The following PLB1 variants were observed in gnomAD, a reference collection of about 807,000 sequenced individuals.
PLB1 encodes the protein phospholipase B1, also known as phospholipase B1, membrane-associated.
Under a neutral mutation model 227.4 loss-of-function variants are expected in PLB1, and 242 were observed. The ratio of observed to expected loss-of-function variants is 1.06; its 90% confidence interval spans 0.96 to 1.18. The LOEUF (loss-of-function observed/expected upper bound fraction) is 1.18. Among genes scored for constraint, PLB1 ranks in the 50% most tolerant of loss-of-function variants. PLB1 has a pLI of 0.00. For missense variants in PLB1, 1,858 were observed against 1,816.3 expected, an observed-to-expected ratio of 1.02 and a Z score of -0.42; for synonymous variants, 757 against 682.2, an observed-to-expected ratio of 1.11 and a Z score of -1.71.
At chr2:28,501,850 A>G (rs575138020) in intron 1 of PLB1, among the ~76,000 whole-genome samples, 1 of 152,288 alleles carries the variant, frequency 6.6e-6, no homozygotes, top group South Asian at 2.1e-4. Flanking sequence ...TACCATATAT[A>G]CCACCAGCCT....
At chr2:28,598,077 T>C (rs1359401732) in intron 34 of PLB1, 29 bp downstream of exon 34, 1 of 1,596,564 alleles carries the variant, frequency 6.3e-7, no homozygotes, top group East Asian at 2.2e-5. Flanking sequence ...CTTGAATCTG[T>C]CTACTGTTCC....
chr2:28,527,167 C>T (rs765075518), intron 6 of PLB1, among the ~76,000 whole-genome samples: 2 of 152,146 alleles, frequency 1.3e-5, no homozygotes, highest in Non-Finnish European at 2.9e-5. Context: ...TGCCTCTTTG[C>T]CTAATTTCTC....
chr2:28,516,318 C>T (rs1045137046), intron 1 of PLB1, among the ~76,000 whole-genome samples: 20 of 152,164 alleles, frequency 1.3e-4, no homozygotes, highest in Admixed American at 5.9e-4. Context: ...TCGATACAGC[C>T]CCTGTCCAGG....
At chr2:28,625,988 T>C (rs902344733) in intron 50 of PLB1, among the ~76,000 whole-genome samples, 2 of 150,886 alleles carry the variant, frequency 1.3e-5, no homozygotes, top group Non-Finnish European at 3.0e-5. Flanking sequence ...AGCCCCACTT[T>C]GTTGCTTTTC....
intron 4 of PLB1, among the ~76,000 whole-genome samples, chr2:28,524,593 T>G (rs1181630755): frequency 2.0e-5 from 3 of 152,238 alleles, no homozygotes; most frequent in African/African-American, 7.2e-5. Flanking sequence ...CATTCCTGCC[T>G]TCATGGCTCT....
Position 28,525,275 on chromosome 2 carries a change from C to G in PLB1, c.252C>G (p.Asp84Glu). The change falls in exon 5 of 58, where the codon GAC becomes GAG. Residue 84 changes from aspartate to glutamate, a missense_variant. Transcript: ENST00000327757. ...TTGAGTATCTATTCCAGCCTCCAGA[C>G]CCAGGGACGGGCGATCTGGAGAAGC... The part of the protein sequence containing the change: ...AAIGNLEIPP[D>E]PGTGDLEKQD... 1 of 1,613,574 alleles carries G rather than the reference C, an allele frequency of 6.2e-7. No homozygotes were observed.
chr2:28,635,928 G>A (rs1689243900), intron 56 of PLB1, among the ~76,000 whole-genome samples: 1 of 152,210 alleles, frequency 6.6e-6, no homozygotes, highest in Admixed American at 6.5e-5. Flanking sequence ...CAGACTTAGA[G>A]CTCTTAGAAT....
At chr2:28,530,482 TGTA>T (rs1670873639) in intron 8 of PLB1, among the ~76,000 whole-genome samples, 1 of 152,234 alleles carries the variant, frequency 6.6e-6, no homozygotes, top group South Asian at 2.1e-4. Flanking sequence ...TTTATATTAT[TGTA>T]GTGGCGATTG....
chr2:28,529,145 C>T (rs528954730), intron 6 of PLB1, among the ~76,000 whole-genome samples, 172 bp from the exon 7 acceptor site: 1 of 151,972 alleles, frequency 6.6e-6, no homozygotes, highest in African/African-American at 2.4e-5. Context: ...GGGTTTTGCT[C>T]TGTTGCCCTG....
chr2:28,566,968 C>T (rs1451673684), intron 20 of PLB1, 129 bp downstream of exon 20: 13 of 942,858 alleles, frequency 1.4e-5, no homozygotes, highest in Middle Eastern at 2.7e-4. Context: ...CACCAGGGGG[C>T]GCTGCCTCCC....
intron 15 of PLB1, 111 bp from the exon 16 acceptor site, chr2:28,549,899 G>A (rs898383752): frequency 2.2e-5 from 18 of 806,030 alleles, no homozygotes; most frequent in African/African-American, 8.6e-5. Context: ...CACTGGAAGC[G>A]TGATGTGAAT....
intron 10 of PLB1, among the ~76,000 whole-genome samples, chr2:28,538,879 G>A (rs1050226841): frequency 5.3e-5 from 8 of 152,126 alleles, no homozygotes; most frequent in Non-Finnish European, 7.4e-5. Context: ...CCCGCCCACC[G>A]TGAGGGACAG....
intron 43 of PLB1, among the ~76,000 whole-genome samples, chr2:28,613,688 C>G (rs1210594886): frequency 1.3e-5 from 2 of 152,086 alleles, no homozygotes; most frequent in Non-Finnish European, 2.9e-5. Context: ...TAAAAAAATG[C>G]TGAAACATGA....
Position 28,598,197 on chromosome 2 carries a change from C to T in PLB1, c.2365+149C>T, listed in dbSNP as rs113785858. The stretch of plus-strand genomic sequence containing the variant: ...GAGACAGGAGGCTATGAAAAAGCAG[C>T]CGAGGCAGGTAAAATAAACACCAGA... On this transcript the variant is annotated intron_variant, in intron 34 of 57. Coordinates refer to ENST00000327757, the MANE Select transcript of PLB1 (RefSeq NM_153021.5). 17 of 665,978 alleles carry T rather than the reference C, an allele frequency of 2.6e-5. No homozygotes were observed. The African/African-American group carries it at 2.8e-4, about 11-fold the overall frequency. The allele number at this position is 665,978 out of a possible 1,614,324, so 41.3% of individuals were successfully genotyped here. A position where few individuals can be genotyped will look rare whatever the true frequency, so the allele number is the denominator to read the frequency against.
chr2:28,514,634 T>G (rs1423571607), intron 1 of PLB1, among the ~76,000 whole-genome samples: 1 of 152,240 alleles, frequency 6.6e-6, no homozygotes, highest in Non-Finnish European at 1.5e-5. Flanking sequence ...GTAGTTTCAA[T>G]AGAGACCATA....
At chr2:28,606,294 G>A (rs1020058097) in intron 42 of PLB1, among the ~76,000 whole-genome samples, 27 of 152,164 alleles carry the variant, frequency 1.8e-4, no homozygotes, top group Admixed American at 6.5e-5. Context: ...GAAGCATGAC[G>A]AGTCTCCAAG....
chr2:28,537,563 C>T (rs997140311), intron 9 of PLB1, among the ~76,000 whole-genome samples: 46 of 147,970 alleles, frequency 3.1e-4, no homozygotes, highest in African/African-American at 1.1e-3. Flanking sequence ...TGGTGGCGGG[C>T]GCCTGTAATC....
chr2:28,631,960 A>G, intron 54 of PLB1, 76 bp from the exon 55 acceptor site: 2 of 1,282,924 alleles, frequency 1.6e-6, no homozygotes, highest in South Asian at 2.4e-5. Flanking sequence ...TCAACAACCA[A>G]TCCAAGGCAG....
intron 43 of PLB1, among the ~76,000 whole-genome samples, chr2:28,607,072 C>T (rs915695683): frequency 2.6e-5 from 4 of 152,182 alleles, no homozygotes; most frequent in South Asian, 2.1e-4. Context: ...GGAGGAGGGA[C>T]GAGGGTGGGC....
Sources: gnomAD v4.1 joint callset for allele counts (sites outside exome capture counted in the v4.1 genomes callset) on GRCh38, gnomAD v4.1.1 for gene constraint, MANE v1.5 for transcripts, NCBI Gene and HGNC (gene_info 2026-07-23, HGNC 2026-07-21) for gene names.